Variants in NKAIN2 observed in about 807,000 individuals in gnomAD.
NKAIN2 encodes the protein sodium/potassium-transporting ATPase subunit beta-1-interacting protein 2.
NKAIN2 carries 14 observed loss-of-function variants against 32.6 expected under a neutral mutation model. That is an observed-to-expected ratio of 0.43 (90% CI 0.28 to 0.67). The LOEUF is 0.67. Among genes scored for constraint, NKAIN2 ranks in the 30% least tolerant of loss-of-function variants. The pLI is 0.17. For synonymous variants in NKAIN2, 80 were observed against 87.2 expected (o/e 0.92, Z 0.46); for missense variants, 198 against 258.3 (o/e 0.77, Z 1.60).
At chr6:123,978,458 T>A (rs1778742549) in intron 1 of NKAIN2, among the ~76,000 whole-genome samples, 1 of 152,194 alleles carries the variant, frequency 6.6e-6, no homozygotes, top group Non-Finnish European at 1.5e-5. Flanking sequence ...TTAACAATTA[T>A]TAATATAGTA....
chr6:124,619,435 AT>A (rs1312861484), intron 3 of NKAIN2, among the ~76,000 whole-genome samples: 2 of 152,178 alleles, frequency 1.3e-5, no homozygotes, highest in Non-Finnish European at 2.9e-5. Context: ...AAAATATTTT[AT>A]TTTAACAGAT....
At chr6:124,120,534 A>G (rs1043156237) in intron 1 of NKAIN2, among the ~76,000 whole-genome samples, 1 of 152,194 alleles carries the variant, frequency 6.6e-6, no homozygotes, top group Non-Finnish European at 1.5e-5. Context: ...AATGATAAAA[A>G]TGAGGTAGAG....
chr6:124,493,056 T>C (rs534010317), intron 3 of NKAIN2, among the ~76,000 whole-genome samples: 2 of 152,148 alleles, frequency 1.3e-5, no homozygotes, highest in Non-Finnish European at 1.5e-5. Context: ...ACAGTTGTTA[T>C]AGTGATTAGA....
chr6:123,972,788 T>G (rs1393663843), intron 1 of NKAIN2, among the ~76,000 whole-genome samples: 1 of 152,094 alleles, frequency 6.6e-6, no homozygotes, highest in Non-Finnish European at 1.5e-5. Flanking sequence ...CAGGAATAGA[T>G]TCCCTTTCCT....
intron 1 of NKAIN2, among the ~76,000 whole-genome samples, chr6:124,153,934 C>CTT (rs57291995): frequency 0.78 from 113,858 of 146,890 alleles, 45,407 homozygotes; most frequent in Non-Finnish European, 0.87. Flanking sequence ...TTATCTATTC[C>CTT]TTTTTTTTTT....
At chr6:124,351,568 C>T (rs1798735171) in intron 2 of NKAIN2, among the ~76,000 whole-genome samples, 1 of 151,182 alleles carries the variant, frequency 6.6e-6, no homozygotes, top group Non-Finnish European at 1.5e-5. Context: ...TTGTAATATC[C>T]TAATAAATAA....
chr6:124,681,021 C>T (rs183181780), intron 4 of NKAIN2, among the ~76,000 whole-genome samples: 4 of 151,782 alleles, frequency 2.6e-5, no homozygotes, highest in Admixed American at 2.6e-4. Flanking sequence ...CTAAATATTA[C>T]TTTCAGGATG....
chr6:123,988,329 T>C (rs1418539808), intron 1 of NKAIN2, among the ~76,000 whole-genome samples: 2 of 152,170 alleles, frequency 1.3e-5, no homozygotes, highest in Non-Finnish European at 2.9e-5. Flanking sequence ...AAAATAAGTC[T>C]TCATAAAGGA....
chr6:124,593,329 C>T (rs756608230), intron 3 of NKAIN2, among the ~76,000 whole-genome samples: 2 of 152,062 alleles, frequency 1.3e-5, no homozygotes, highest in Non-Finnish European at 2.9e-5. Flanking sequence ...TTCACCTTAC[C>T]TAAAAACTTT....
rs1777162340 is a variant in NKAIN2, at chr6:123,948,310, G to A, written c.54+144056G>A. On this transcript the variant is annotated intron_variant, in intron 1 of 6. Transcript: ENST00000368417. ...AGTAGTGGGATAGCTGAATCATATGGTAGTTCTATTTTTAGCTTTTTGAGA... is the reference window on the plus strand; with the variant it reads ...AGTAGTGGGATAGCTGAATCATATGATAGTTCTATTTTTAGCTTTTTGAGA... Among the ~76,000 whole-genome samples, 3 of 151,984 alleles carry A rather than the reference G, an allele frequency of 2.0e-5. No homozygotes were observed. In the South Asian group the frequency reaches 6.2e-4, roughly 31 times the overall value.
intron 1 of NKAIN2, among the ~76,000 whole-genome samples, chr6:123,993,770 C>T (rs770042641): frequency 3.3e-5 from 5 of 152,134 alleles, no homozygotes; most frequent in Admixed American, 1.3e-4. Flanking sequence ...ATGTGCCTTC[C>T]CTCAGTTATA....
chr6:124,295,281 T>C (rs1795999739), intron 2 of NKAIN2, among the ~76,000 whole-genome samples: 3 of 140,448 alleles, frequency 2.1e-5, no homozygotes, highest in Admixed American at 7.0e-5. Context: ...CTTTGTGTCG[T>C]TTTCCTTCTC....
At chr6:124,328,604 TA>T (rs1203601894) in intron 2 of NKAIN2, among the ~76,000 whole-genome samples, 1 of 152,208 alleles carries the variant, frequency 6.6e-6, no homozygotes, top group Non-Finnish European at 1.5e-5. Context: ...CAAAATATTG[TA>T]AAAGCAAAGC....
intron 1 of NKAIN2, among the ~76,000 whole-genome samples, chr6:124,234,131 T>G (rs888842712): frequency 6.6e-6 from 1 of 152,164 alleles, no homozygotes; most frequent in Non-Finnish European, 1.5e-5. Flanking sequence ...CTCTTGGAAG[T>G]CTTTGCAGAC....
chr6:123,920,946 T>C (rs1422919805), intron 1 of NKAIN2, among the ~76,000 whole-genome samples: 1 of 152,178 alleles, frequency 6.6e-6, no homozygotes, highest in East Asian at 1.9e-4. Flanking sequence ...CTAAGAGCAC[T>C]TTGGTTCTTT....
At chr6:124,606,659 A>G (rs1188751601) in intron 3 of NKAIN2, among the ~76,000 whole-genome samples, 1 of 152,178 alleles carries the variant, frequency 6.6e-6, no homozygotes, top group Non-Finnish European at 1.5e-5. Context: ...GAAATGATAT[A>G]TGCATTAAAA....
At chr6:124,748,333 GA>G (rs1250987387) in intron 4 of NKAIN2, among the ~76,000 whole-genome samples, 1 of 152,010 alleles carries the variant, frequency 6.6e-6, no homozygotes, top group Non-Finnish European at 1.5e-5. Context: ...TTTATTGAAT[GA>G]ATAAGTCAAT....
chr6:124,396,184 A>T (rs1362116945), intron 3 of NKAIN2, among the ~76,000 whole-genome samples: 1 of 152,108 alleles, frequency 6.6e-6, no homozygotes, highest in Non-Finnish European at 1.5e-5. Context: ...TCAAAATGAA[A>T]CAATGGGTAT....
intron 4 of NKAIN2, among the ~76,000 whole-genome samples, chr6:124,680,478 A>G (rs559443228): frequency 1.2e-3 from 177 of 152,246 alleles, no homozygotes; most frequent in African/African-American, 4.2e-3. Context: ...AATGTTTTGC[A>G]TCCGTCTTTA....
Sources: gnomAD v4.1 joint callset for allele counts (sites outside exome capture counted in the v4.1 genomes callset) on GRCh38, gnomAD v4.1.1 for gene constraint, MANE v1.5 for transcripts, NCBI Gene and HGNC (gene_info 2026-07-23, HGNC 2026-07-21) for gene names.